ARHGAP23: variants seen among roughly 807,000 people sequenced by gnomAD.
The protein encoded by ARHGAP23 is Rho GTPase activating protein 23, also known as rho GTPase-activating protein 23.
Under a neutral mutation model 136.3 loss-of-function variants are expected in ARHGAP23, and 34 were observed. The observed-to-expected ratio is 0.25, with a 90% CI of 0.19 to 0.33. The LOEUF (loss-of-function observed/expected upper bound fraction) is 0.33. Ranked by LOEUF, ARHGAP23 falls within the 10% of genes least tolerant of loss-of-function variation. ARHGAP23 has a pLI of 1.00. For missense variants in ARHGAP23, 1,808 were observed against 2,139.0 expected, an observed-to-expected ratio of 0.85 and a Z score of 3.05; for synonymous variants, 832 against 920.5, an observed-to-expected ratio of 0.90 and a Z score of 1.74.
intron 23 of ARHGAP23, among the ~76,000 whole-genome samples, chr17:38,508,305 AG>A (rs113687825): frequency 2.0e-5 from 3 of 152,170 alleles, no homozygotes; most frequent in African/African-American, 7.2e-5. Context: ...CAAATAGGGC[AG>A]GGGGACATTA....
chr17:38,484,322 C>T (rs1196936128), intron 16 of ARHGAP23, among the ~76,000 whole-genome samples: 5 of 151,668 alleles, frequency 3.3e-5, no homozygotes, highest in African/African-American at 9.7e-5. Context: ...AGTGGGGCAG[C>T]GTGAGGAGAG....
intron 22 of ARHGAP23, chr17:38,500,379 G>A (rs944912646): frequency 1.8e-6 from 1 of 568,782 alleles, no homozygotes; most frequent in Admixed American, 3.2e-5. Flanking sequence ...GTCACTTCCT[G>A]CCTCTAGAGG....
At position 38,463,143 on chromosome 17, in the gene ARHGAP23, G is replaced by C. The variant is rs533734801; in HGVS notation, c.375G>C (p.Gly125=). 4 of 1,551,454 alleles carry C rather than the reference G, an allele frequency of 2.6e-6. No homozygotes were observed. Among genetic ancestry groups the C allele is most frequent in the Non-Finnish European group, 3.5e-6 (4 of 1,146,926 alleles). The change falls in exon 5 of 24, where the codon GGG becomes GGC. Residue 125 remains glycine (G), a synonymous_variant. Transcript: ENST00000622683. The part of the protein sequence containing the change: ...RTGDRLVKVN[G]ESVIGKTYSQ... ...GAGACCGGCTGGTAAAGGTGAATGG[G>C]GAAAGCGTCATTGGGAAGACCTACT...
At chr17:38,441,086 T>G (rs1299189930) in intron 1 of ARHGAP23, among the ~76,000 whole-genome samples, 1 of 152,152 alleles carries the variant, frequency 6.6e-6, no homozygotes, top group Non-Finnish European at 1.5e-5. Flanking sequence ...GGCACTGCCT[T>G]TTGCTGAGTG....
rs2039375579 is a variant in ARHGAP23 at position 38,458,213 on chromosome 17, C to T, written c.175C>T (p.Arg59Cys). Residue 59 changes from arginine to cysteine, a missense_variant, in exon 2 of 24, where the codon CGC (arginine) becomes TGC (cysteine). Arg to Cys is a radical substitution (Grantham distance 180, BLOSUM62 -3). This residue lies in a region of ARHGAP23 where 859 missense variants were observed against 936.4 expected (regional missense o/e 0.92). Coordinates refer to ENST00000622683, the MANE Select transcript of ARHGAP23 (RefSeq NM_001199417.2). The part of the protein sequence containing the change: ...SPQDGFGFTL[R>C]HFIVYPPESA... ...CCAGGACGGCTTTGGCTTCACTCTG[C>T]GCCACTTCATCGTGTACCCACCCGA... The T allele has an allele frequency of 6.5e-6, 10 of 1,535,928 alleles. No individual in the cohort carries two copies. The highest frequency in any genetic ancestry group is 1.2e-5 in the South Asian group (1 of 84,046).
upstream of ARHGAP23, chr17:38,428,386 C>CCG (rs2038604414): frequency 2.4e-6 from 1 of 423,360 alleles, no homozygotes; most frequent in Non-Finnish European, 3.7e-6. Flanking sequence ...GGGGGGGGCC[C>CCG]CCCCACACCG....
At chr17:38,463,498 G>C (rs546759911) in intron 6 of ARHGAP23, 116 bp downstream of exon 6, 4 of 1,254,672 alleles carry the variant, frequency 3.2e-6, no homozygotes, top group African/African-American at 3.0e-5. Context: ...TGCCCAGTTG[G>C]GGATGCCAGG....
At chr17:38,450,219 T>G (rs1441182446) in intron 1 of ARHGAP23, among the ~76,000 whole-genome samples, 1 of 152,148 alleles carries the variant, frequency 6.6e-6, no homozygotes, top group Non-Finnish European at 1.5e-5. Context: ...TGGGACAATA[T>G]TCCTGAAAGA....
intron 1 of ARHGAP23, among the ~76,000 whole-genome samples, chr17:38,420,482 T>G (rs2038509624): frequency 6.6e-6 from 1 of 152,130 alleles, no homozygotes; most frequent in African/African-American, 2.4e-5. Context: ...TCTGAGACCC[T>G]CCCCTCCAGG....
intron 1 of ARHGAP23, among the ~76,000 whole-genome samples, chr17:38,434,279 C>T (rs928126030): frequency 3.9e-5 from 6 of 152,208 alleles, no homozygotes; most frequent in African/African-American, 1.2e-4. Flanking sequence ...CCGTAAGGAG[C>T]GGAACTGGGG....
chr17:38,424,254 C>T (rs1334525590), upstream of ARHGAP23, among the ~76,000 whole-genome samples: 2 of 152,128 alleles, frequency 1.3e-5, no homozygotes, highest in African/African-American at 4.8e-5. Context: ...TCCCCTCCGG[C>T]TGTCTCTCCT....
chr17:38,434,674 G>A (rs2038755737), intron 1 of ARHGAP23, among the ~76,000 whole-genome samples: 1 of 152,250 alleles, frequency 6.6e-6, no homozygotes, highest in African/African-American at 2.4e-5. Flanking sequence ...AAGTGGGGGT[G>A]CACCTAGGCA....
intron 23 of ARHGAP23, among the ~76,000 whole-genome samples, chr17:38,503,684 C>A (rs1010448293): frequency 6.6e-6 from 1 of 152,224 alleles, no homozygotes; most frequent in African/African-American, 2.4e-5. Context: ...CCTCCTGAGA[C>A]GCTAGCAGTT....
At chr17:38,499,271 C>T (rs2040467555) in intron 22 of ARHGAP23, among the ~76,000 whole-genome samples, 1 of 152,248 alleles carries the variant, frequency 6.6e-6, no homozygotes. Flanking sequence ...TGCTAGTCAT[C>T]CAGGCTGGGG....
chr17:38,509,917 C>A (rs1567834749), intron 23 of ARHGAP23, 27 bp from the exon 24 acceptor site: 1 of 1,245,394 alleles, frequency 8.0e-7, no homozygotes, highest in South Asian at 4.1e-5. Context: ...CGGGCGCCCC[C>A]CGCATCCTGA....
chr17:38,474,684 G>T (rs1335274149), intron 11 of ARHGAP23, among the ~76,000 whole-genome samples: 1 of 152,170 alleles, frequency 6.6e-6, no homozygotes, highest in Non-Finnish European at 1.5e-5. Context: ...TGTCAGCACC[G>T]ACGAGTTACC....
rs1305838467 is a variant in ARHGAP23 at position 38,429,601 on chromosome 17, TC to T, written c.63+1055del. Among the ~76,000 whole-genome samples the T allele has an allele frequency of 2.0e-5, 3 of 152,120 alleles. No homozygotes were observed. The East Asian group carries it at 5.8e-4, about 29-fold the overall frequency. ...GCAACTCTTTTGGAGACTGGTGTGT[TC>T]CTTGGTTGCTGGATGTGTGTTCAGT... On this transcript the variant is annotated intron_variant, in intron 1 of 23. Transcript: ENST00000622683.
At chr17:38,482,423 G>A (rs1225439016) in intron 15 of ARHGAP23, 100 bp from the exon 16 acceptor site, 52 of 1,197,746 alleles carry the variant, frequency 4.3e-5, no homozygotes, top group Non-Finnish European at 5.8e-5. Context: ...TCCCCCCAAG[G>A]GTTCCTGGCA....
intron 7 of ARHGAP23, among the ~76,000 whole-genome samples, chr17:38,468,246 G>A (rs1018722637): frequency 1.3e-5 from 2 of 152,194 alleles, no homozygotes; most frequent in African/African-American, 2.4e-5. Context: ...TGGCTTTTGA[G>A]AGCAGAGGGA....
Sources: allele counts gnomAD v4.1 joint callset (sites outside exome capture counted in the v4.1 genomes callset), GRCh38; gene constraint gnomAD v4.1.1; regional missense constraint gnomAD v4.1.1; transcripts MANE v1.5; gene names NCBI Gene and HGNC (gene_info 2026-07-23, HGNC 2026-07-21).